The following DAB1 variants were observed in gnomAD, a reference collection of about 807,000 sequenced individuals.
DAB1 encodes the protein disabled homolog 1.
DAB1 carries 15 observed loss-of-function variants against 64.6 expected under a neutral mutation model. The ratio of observed to expected loss-of-function variants is 0.23; its 90% CI spans 0.16 to 0.36. The LOEUF is 0.36. Among genes scored for constraint, DAB1 ranks in the 10% least tolerant of loss-of-function variants. The pLI is 1.00. For missense variants in DAB1, 596 were observed against 706.7 expected (o/e 0.84, Z 1.78); for synonymous variants, 235 against 251.9 (o/e 0.93, Z 0.64).
intron 2 of DAB1, among the ~76,000 whole-genome samples, chr1:57,269,479 A>G (rs1484630457): frequency 6.6e-6 from 1 of 151,396 alleles, no homozygotes; most frequent in Non-Finnish European, 1.5e-5. Context: ...TGAAGCTGTC[A>G]CCCCCCTCCC....
intron 6 of DAB1, among the ~76,000 whole-genome samples, chr1:57,753,718 CTG>C (rs1474882725): frequency 1.3e-5 from 2 of 152,136 alleles, no homozygotes; most frequent in Non-Finnish European, 2.9e-5. Flanking sequence ...TACCCTAACT[CTG>C]TGAAGAAGAT....
At chr1:58,057,550 CA>C (rs1648207551) in intron 5 of DAB1, among the ~76,000 whole-genome samples, 1 of 152,052 alleles carries the variant, frequency 6.6e-6, no homozygotes, top group Non-Finnish European at 1.5e-5. Flanking sequence ...CATGTAAAGA[CA>C]GGGGCAGAAA....
At chr1:57,087,256 T>C (rs1037297490) in intron 4 of DAB1, among the ~76,000 whole-genome samples, 24 of 152,154 alleles carry the variant, frequency 1.6e-4, no homozygotes, top group African/African-American at 5.3e-4. Context: ...GCCAGGTGCA[T>C]GGGCAACTGT....
intron 2 of DAB1, among the ~76,000 whole-genome samples, chr1:57,241,825 C>G (rs1057178960): frequency 4.6e-5 from 7 of 152,142 alleles, no homozygotes; most frequent in African/African-American, 1.7e-4. Flanking sequence ...GCTTCAAACA[C>G]TTATCGTTCA....
intron 4 of DAB1, among the ~76,000 whole-genome samples, chr1:58,300,632 G>GAGAC (rs1662128425): frequency 2.9e-5 from 2 of 69,788 alleles, no homozygotes; most frequent in African/African-American, 1.0e-4. Flanking sequence ...GAGAGAGAGA[G>GAGAC]AGAGAGAGAG....
At chr1:58,194,197 T>C (rs538858666) in intron 4 of DAB1, among the ~76,000 whole-genome samples, 125 of 152,352 alleles carry the variant, frequency 8.2e-4, no homozygotes, top group Non-Finnish European at 1.4e-3. Flanking sequence ...GAAGTGCATA[T>C]ACCCAGAGAA....
chr1:58,308,665 C>T (rs569147859), intron 4 of DAB1, among the ~76,000 whole-genome samples: 158 of 152,304 alleles, frequency 1.0e-3, no homozygotes, highest in Non-Finnish European at 2.0e-3. Flanking sequence ...GTTTGCTATA[C>T]TTAGTCCTCA....
chr1:57,004,271 T>C (rs1645981446), intron 14 of DAB1, among the ~76,000 whole-genome samples: 2 of 152,228 alleles, frequency 1.3e-5, no homozygotes, highest in African/African-American at 4.8e-5. Context: ...GTTTCCTATG[T>C]CACATTATAA....
chr1:58,099,139 A>G (rs906250653), intron 5 of DAB1, among the ~76,000 whole-genome samples: 2 of 152,174 alleles, frequency 1.3e-5, no homozygotes, highest in African/African-American at 4.8e-5. Context: ...TTTTCCATCC[A>G]TGAGCCATGT....
At chr1:58,215,351 G>A (rs2100303539) in intron 4 of DAB1, among the ~76,000 whole-genome samples, 1 of 150,918 alleles carries the variant, frequency 6.6e-6, no homozygotes, top group East Asian at 2.0e-4. Flanking sequence ...TATGGCTATG[G>A]AAAAGGCAGC....
chr1:58,222,736 T>C (rs1659241334), intron 4 of DAB1, among the ~76,000 whole-genome samples: 1 of 152,230 alleles, frequency 6.6e-6, no homozygotes, highest in Non-Finnish European at 1.5e-5. Context: ...AGTTCTTTCA[T>C]ACAAGTAAAA....
chr1:57,507,635 G>T (rs1162248843), intron 7 of DAB1, among the ~76,000 whole-genome samples: 1 of 152,128 alleles, frequency 6.6e-6, no homozygotes, highest in Non-Finnish European at 1.5e-5. Context: ...ACAAGTAGAG[G>T]TCTGCATCAA....
At chr1:57,528,904 T>C (rs1570599506) in intron 7 of DAB1, among the ~76,000 whole-genome samples, 1 of 151,968 alleles carries the variant, frequency 6.6e-6, no homozygotes, top group Admixed American at 6.6e-5. Context: ...AGAATCACAC[T>C]ACAAGAAATG....
chr1:57,328,272 C>T (rs1289634116), intron 1 of DAB1, among the ~76,000 whole-genome samples: 4 of 152,318 alleles, frequency 2.6e-5, no homozygotes, highest in South Asian at 2.1e-4. Context: ...GATCTTGAGT[C>T]CAACCTCTGT....
chr1:57,111,666 C>T (rs535905567), intron 4 of DAB1, among the ~76,000 whole-genome samples: 3 of 152,086 alleles, frequency 2.0e-5, no homozygotes, highest in Non-Finnish European at 2.9e-5. Flanking sequence ...CACATTACCC[C>T]GAATTTTTAA....
chr1:57,946,852 A>G (rs747371872), intron 5 of DAB1, among the ~76,000 whole-genome samples: 1 of 152,176 alleles, frequency 6.6e-6, no homozygotes, highest in South Asian at 2.1e-4. Flanking sequence ...GGAATGTGCC[A>G]TATGCTTCCT....
chr1:57,330,895 T>C (rs1433998107), intron 1 of DAB1, among the ~76,000 whole-genome samples: 1 of 152,074 alleles, frequency 6.6e-6, no homozygotes, highest in Non-Finnish European at 1.5e-5. Context: ...AGGAATACCC[T>C]TCCCTCTCCT....
intron 4 of DAB1, among the ~76,000 whole-genome samples, chr1:58,337,821 T>C (rs947595486): frequency 2.6e-5 from 4 of 152,314 alleles, no homozygotes; most frequent in Middle Eastern, 3.4e-3. Context: ...ATCATTGCAG[T>C]CACATGGTAG....
intron 5 of DAB1, among the ~76,000 whole-genome samples, chr1:57,916,655 A>G (rs1644730964): frequency 6.6e-6 from 1 of 152,246 alleles, no homozygotes; most frequent in Non-Finnish European, 1.5e-5. Context: ...AGGGTTAAGT[A>G]GGCCAGGCGT....
Sources: gnomAD v4.1 joint callset for allele counts (sites outside exome capture counted in the v4.1 genomes callset) on GRCh38, gnomAD v4.1.1 for gene constraint, MANE v1.5 for transcripts, NCBI Gene and HGNC (gene_info 2026-07-23, HGNC 2026-07-21) for gene names.